The following UNC13C variants were observed in gnomAD, a reference collection of about 807,000 sequenced individuals.
The protein encoded by UNC13C is unc-13 homolog C, also known as protein unc-13 homolog C.
UNC13C carries 174 observed loss-of-function variants against 245.4 expected under a neutral mutation model. That is an observed-to-expected ratio of 0.71 (90% CI 0.63 to 0.80). UNC13C has a LOEUF of 0.80. Among genes scored for constraint, UNC13C ranks in the 30% least tolerant of loss-of-function variants. The pLI, the probability that UNC13C is intolerant of heterozygous loss-of-function variation, is 0.00. For synonymous variants in UNC13C, 992 were observed against 895.1 expected (o/e 1.11, Z -1.93); for missense variants, 2,829 against 2,602.9 (o/e 1.09, Z -1.89).
chr15:54,074,237 A>G (rs1342483378), intron 2 of UNC13C, among the ~76,000 whole-genome samples: 1 of 98,140 alleles, frequency 1.0e-5, no homozygotes, highest in Non-Finnish European at 2.4e-5. Flanking sequence ...ATTGGTCTAT[A>G]TATCTGTTTT....
the UNC13C span, chr15:53,911,410 T>C: frequency 6.6e-6 from 1 of 152,296 alleles, no homozygotes; most frequent in East Asian, 1.9e-4. Flanking sequence ...AGGTAGAACA[T>C]GAGCAGCCAA....
chr15:54,059,776 C>A (rs145207433), intron 2 of UNC13C, among the ~76,000 whole-genome samples: 1 of 151,974 alleles, frequency 6.6e-6, no homozygotes, highest in Non-Finnish European at 1.5e-5. Context: ...GAGATATAGA[C>A]CAATGGAACA....
At chr15:54,478,895 A>G (rs539694756) in intron 19 of UNC13C, among the ~76,000 whole-genome samples, 58 of 152,080 alleles carry the variant, frequency 3.8e-4, no homozygotes, top group African/African-American at 1.3e-3. Context: ...TGATCTGTCT[A>G]ATGTTGACAG....
intron 10 of UNC13C, among the ~76,000 whole-genome samples, chr15:54,292,018 GATACAA>G (rs762414837): frequency 2.0e-5 from 3 of 151,918 alleles, no homozygotes; most frequent in Non-Finnish European, 4.4e-5. Context: ...AATGCACACT[GATACAA>G]ATACTATAAA....
chr15:54,133,186 A>C (rs994721068), intron 2 of UNC13C, among the ~76,000 whole-genome samples: 6 of 152,106 alleles, frequency 3.9e-5, no homozygotes, highest in Non-Finnish European at 7.4e-5. Flanking sequence ...TGCTGGTGAA[A>C]TATTCTTATT....
chr15:54,107,197 T>C (rs972726436), intron 2 of UNC13C, among the ~76,000 whole-genome samples: 3 of 152,204 alleles, frequency 2.0e-5, no homozygotes, highest in African/African-American at 7.2e-5. Flanking sequence ...ATTGCAATTA[T>C]GCCTGAGCCT....
the UNC13C span, among the ~76,000 whole-genome samples, chr15:53,887,824 A>G: frequency 3.8e-4 from 58 of 151,576 alleles, no homozygotes; most frequent in Non-Finnish European, 7.2e-4. Flanking sequence ...TATTCTTGTG[A>G]TAGTTTGCTG....
rs184233446 is a variant in UNC13C, at chr15:54,166,237, T to C, written c.3071+22553T>C. Among the ~76,000 whole-genome samples the C allele has an allele frequency of 1.2e-3, 185 of 152,218 alleles. 1 individual carries two copies. Among genetic ancestry groups the C allele is most frequent in the Non-Finnish European group, 1.1e-3 (72 of 67,952 alleles). On this transcript the variant is annotated intron_variant, in intron 4 of 32. Coordinates refer to ENST00000260323, the MANE Select transcript of UNC13C (RefSeq NM_001080534.3). ...AAAACTATTCCCAACAGAAAAATTA[T>C]GAGAATATTTGCTTCCAGTCTTCTT...
intron 10 of UNC13C, among the ~76,000 whole-genome samples, chr15:54,267,840 C>A (rs531450724): frequency 6.6e-6 from 1 of 151,972 alleles, no homozygotes; most frequent in African/African-American, 2.4e-5. Context: ...GTCATTATTT[C>A]TTTAAATATT....
chr15:54,451,564 A>AT lies in UNC13C; in HGVS notation c.4933+36503dup, dbSNP rs143365428. Among the ~76,000 whole-genome samples the AT allele has an allele frequency of 5.1e-3, 770 of 151,880 alleles. 6 individuals are homozygous for AT. Among genetic ancestry groups the AT allele is most frequent in the African/African-American group, 0.017 (717 of 41,450 alleles). On this transcript the variant is annotated intron_variant, in intron 19 of 32. Coordinates refer to ENST00000260323, the MANE Select transcript of UNC13C (RefSeq NM_001080534.3). Reference sequence around the variant, plus strand: ...ATCTAGTCTTTTGTTGAATAAATGCATTTTTTACTTCATTCAATGTATTCT... The same window carrying AT: ...ATCTAGTCTTTTGTTGAATAAATGCATTTTTTTACTTCATTCAATGTATTCT...
At chr15:54,114,596 A>C (rs1431295504) in intron 2 of UNC13C, among the ~76,000 whole-genome samples, 1 of 152,132 alleles carries the variant, frequency 6.6e-6, no homozygotes, top group African/African-American at 2.4e-5. Context: ...TTCCCTATCA[A>C]TAGGCATTTA....
chr15:54,566,985 G>A (rs1047311790), intron 29 of UNC13C, among the ~76,000 whole-genome samples: 30 of 151,972 alleles, frequency 2.0e-4, no homozygotes, highest in African/African-American at 6.8e-4. Flanking sequence ...TTAATAGAAT[G>A]TTATAAATCT....
intron 1 of UNC13C, among the ~76,000 whole-genome samples, chr15:53,998,394 T>C (rs1226440011): frequency 1.3e-5 from 2 of 152,190 alleles, no homozygotes; most frequent in Admixed American, 6.5e-5. Context: ...TTTGATGTTA[T>C]AATTGATTTT....
At chr15:54,572,976 G>A (rs1295087636) in intron 30 of UNC13C, among the ~76,000 whole-genome samples, 1 of 151,116 alleles carries the variant, frequency 6.6e-6, no homozygotes, top group Non-Finnish European at 1.5e-5. Context: ...TCCCTTGCTT[G>A]TGTTAGAAAA....
At chr15:54,487,919 T>C (rs1893506296) in intron 19 of UNC13C, among the ~76,000 whole-genome samples, 1 of 152,148 alleles carries the variant, frequency 6.6e-6, no homozygotes, top group Non-Finnish European at 1.5e-5. Flanking sequence ...TTACGTATAG[T>C]CATTTATTTT....
At chr15:54,408,444 T>G (rs2140941037) in intron 18 of UNC13C, among the ~76,000 whole-genome samples, 1 of 152,136 alleles carries the variant, frequency 6.6e-6, no homozygotes. Flanking sequence ...AATTTTTGAA[T>G]TAGAAATAAT....
intron 2 of UNC13C, among the ~76,000 whole-genome samples, chr15:54,137,653 G>C (rs2031806091): frequency 6.6e-6 from 1 of 151,578 alleles, no homozygotes; most frequent in African/African-American, 2.4e-5. Context: ...GTAGTTTTGT[G>C]CTACCAGTTG....
intron 11 of UNC13C, among the ~76,000 whole-genome samples, chr15:54,296,373 T>A (rs1012353740): frequency 1.1e-4 from 11 of 104,084 alleles, no homozygotes; most frequent in East Asian, 7.1e-4. Context: ...GCTAATTTTT[T>A]TTTTTTTTTA....
chr15:54,580,915 T>A (rs1315578381), intron 30 of UNC13C, among the ~76,000 whole-genome samples: 3 of 152,086 alleles, frequency 2.0e-5, no homozygotes, highest in Admixed American at 2.0e-4. Flanking sequence ...AGGAACCCCT[T>A]CTCCATACAC....
Sources: gnomAD v4.1 joint callset for allele counts (sites outside exome capture counted in the v4.1 genomes callset) on GRCh38, gnomAD v4.1.1 for gene constraint, MANE v1.5 for transcripts, NCBI Gene and HGNC (gene_info 2026-07-23, HGNC 2026-07-21) for gene names.